SLC2A9: variants seen among roughly 807,000 people sequenced by gnomAD.
The protein encoded by SLC2A9 is solute carrier family 2, facilitated glucose transporter member 9.
In SLC2A9, 39 loss-of-function variants were observed where a neutral mutation model predicts 50.6. The observed-to-expected ratio is 0.77, with a 90% CI of 0.60 to 1.01. The LOEUF (loss-of-function observed/expected upper bound fraction) is 1.01, where lower values mean the gene tolerates loss of function less well. SLC2A9 is among the 50% of genes least tolerant of loss of function. The pLI, the probability that SLC2A9 is intolerant of heterozygous loss-of-function variation, is 0.00. For missense variants in SLC2A9, 686 were observed against 677.6 expected (o/e 1.01, Z -0.14); for synonymous variants, 324 against 276.9 (o/e 1.17, Z -1.69).
intron 10 of SLC2A9, among the ~76,000 whole-genome samples, chr4:9,858,124 T>C (rs959054832): frequency 3.9e-5 from 6 of 152,194 alleles, no homozygotes; most frequent in African/African-American, 1.2e-4. Flanking sequence ...AGAAAGAACA[T>C]ACTGAGTTGT....
intron 2 of SLC2A9, 57 bp from the exon 3 acceptor site, chr4:9,996,998 C>A (rs1198850131): frequency 6.2e-7 from 1 of 1,600,178 alleles, no homozygotes; most frequent in African/African-American, 1.3e-5. Context: ...CTGCTTGAAG[C>A]AAGCCAGTGT....
At chr4:9,948,104 T>C (rs1020323799) in intron 5 of SLC2A9, among the ~76,000 whole-genome samples, 2 of 152,162 alleles carry the variant, frequency 1.3e-5, no homozygotes, top group South Asian at 4.2e-4. Flanking sequence ...TGGCCACTTA[T>C]TTCTTTCTAA....
intron 6 of SLC2A9, among the ~76,000 whole-genome samples, chr4:9,938,168 T>A (rs1351550388): frequency 4.6e-5 from 7 of 152,180 alleles, no homozygotes; most frequent in African/African-American, 1.7e-4. Flanking sequence ...TTAGATGAAA[T>A]GGATGCAAAT....
intron 3 of SLC2A9, among the ~76,000 whole-genome samples, chr4:9,817,598 G>A (rs1431146358): frequency 6.6e-6 from 1 of 152,176 alleles, no homozygotes; most frequent in Admixed American, 6.5e-5. Flanking sequence ...CCTCGTTACT[G>A]CAAATGTTTA....
chr4:9,783,206 C>T, intron 3 of SLC2A9: 2 of 1,614,226 alleles, frequency 1.2e-6, no homozygotes, highest in Non-Finnish European at 1.7e-6. Flanking sequence ...CAGCAATGAG[C>T]TCATCTCCTA....
At chr4:9,795,578 A>T (rs1338430092), downstream of SLC2A9, among the ~76,000 whole-genome samples, 1 of 152,190 alleles carries the variant, frequency 6.6e-6, no homozygotes, top group Non-Finnish European at 1.5e-5. Context: ...TTCAGCGTGC[A>T]TCAGAAATGT....
At chr4:10,000,967 T>C (rs1349207784) in intron 2 of SLC2A9, among the ~76,000 whole-genome samples, 1 of 152,198 alleles carries the variant, frequency 6.6e-6, no homozygotes, top group Non-Finnish European at 1.5e-5. Context: ...GAATTGTATC[T>C]AACCTCACAC....
At chr4:10,013,627 G>A (rs1214179281) in intron 2 of SLC2A9, among the ~76,000 whole-genome samples, 1 of 152,246 alleles carries the variant, frequency 6.6e-6, no homozygotes, top group Admixed American at 6.5e-5. Context: ...GCCCAGAGGC[G>A]AGTTATTTTC....
intron 5 of SLC2A9, among the ~76,000 whole-genome samples, chr4:9,948,308 T>C (rs1180731405): frequency 1.3e-5 from 2 of 152,208 alleles, no homozygotes; most frequent in Non-Finnish European, 2.9e-5. Context: ...CTGATACTCA[T>C]TCCTTACTCT....
At chr4:9,813,533 T>C (rs527368042) in intron 3 of SLC2A9, among the ~76,000 whole-genome samples, 12 of 152,344 alleles carry the variant, frequency 7.9e-5, no homozygotes, top group East Asian at 3.9e-4. Context: ...ATATTTATGA[T>C]GGTATTCATT....
chr4:9,832,112 G>C (rs1176799957), intron 11 of SLC2A9, among the ~76,000 whole-genome samples: 2 of 152,208 alleles, frequency 1.3e-5, no homozygotes, highest in Non-Finnish European at 2.9e-5. Context: ...CGAGGCCCGA[G>C]TAGATGAACA....
intron 3 of SLC2A9, among the ~76,000 whole-genome samples, chr4:9,801,855 T>A (rs965948532): frequency 2.0e-5 from 3 of 152,166 alleles, no homozygotes; most frequent in African/African-American, 7.2e-5. Context: ...AGAATAGGTT[T>A]GGGAGTGCTG....
intron 10 of SLC2A9, among the ~76,000 whole-genome samples, chr4:9,885,154 G>C (rs560883814): frequency 1.3e-5 from 2 of 152,220 alleles, no homozygotes; most frequent in Non-Finnish European, 2.9e-5. Context: ...TGCGAGTCCT[G>C]CACATGTATC....
intron 6 of SLC2A9, among the ~76,000 whole-genome samples, chr4:9,934,573 G>A (rs1289327516): frequency 1.3e-5 from 2 of 152,228 alleles, no homozygotes; most frequent in Non-Finnish European, 2.9e-5. Flanking sequence ...GCCATGAGCA[G>A]ATGAGGAAAC....
chr4:9,892,623 A>G (rs1330457711), intron 8 of SLC2A9, among the ~76,000 whole-genome samples: 1 of 152,214 alleles, frequency 6.6e-6, no homozygotes, highest in Non-Finnish European at 1.5e-5. Context: ...GAATGATAAT[A>G]CCATTTTTGC....
chr4:9,791,749 T>C (rs939032755), intron 3 of SLC2A9, among the ~76,000 whole-genome samples: 3 of 152,180 alleles, frequency 2.0e-5, no homozygotes, highest in Non-Finnish European at 2.9e-5. Flanking sequence ...CGTCCCTCAG[T>C]TGAGCCTTCA....
At position 9,920,380 on chromosome 4, in the gene SLC2A9, C is replaced by A; in HGVS notation, c.1002+5G>T. 6.2e-7 allele frequency: 1 copy of A among 1,614,058 alleles called. No individual in the cohort carries two copies. The highest frequency in any genetic ancestry group is 8.5e-7 in the Non-Finnish European group (1 of 1,179,996). ...CAAGGATGCCCACCGGGCCCCAGGACTCACTGCATTGAGGCCACAGAGCTG... is the reference window on the plus strand; with the variant it reads ...CAAGGATGCCCACCGGGCCCCAGGAATCACTGCATTGAGGCCACAGAGCTG... On this transcript the variant is annotated splice_donor_5th_base_variant and intron_variant, in intron 7 of 11. Coordinates refer to ENST00000264784, the MANE Select transcript of SLC2A9 (RefSeq NM_020041.3).
chr4:9,978,236 G>A (rs1310713266), intron 5 of SLC2A9, among the ~76,000 whole-genome samples: 1 of 152,174 alleles, frequency 6.6e-6, no homozygotes, highest in African/African-American at 2.4e-5. Context: ...GACGTGGGCT[G>A]TACCTGATGT....
At chr4:9,890,734 G>A (rs1577723840) in intron 8 of SLC2A9, 23 bp from the exon 9 acceptor site, 1 of 1,590,922 alleles carries the variant, frequency 6.3e-7, no homozygotes, top group Non-Finnish European at 8.6e-7. Flanking sequence ...AAAAGAGAGA[G>A]AGAGAGCTAT....
Sources: allele counts gnomAD v4.1 joint callset (sites outside exome capture counted in the v4.1 genomes callset), GRCh38; gene constraint gnomAD v4.1.1; transcripts MANE v1.5; gene names NCBI Gene and HGNC (gene_info 2026-07-23, HGNC 2026-07-21).